Variants in PDE10A observed in about 807,000 individuals in gnomAD.
PDE10A encodes the protein phosphodiesterase 10A, also known as cAMP and cAMP-inhibited cGMP 3',5'-cyclic phosphodiesterase 10A.
PDE10A carries 39 observed loss-of-function variants against 97.7 expected under a neutral mutation model. That is an observed-to-expected ratio of 0.40 (90% CI 0.31 to 0.52). The LOEUF (loss-of-function observed/expected upper bound fraction) is 0.52. Among genes scored for constraint, PDE10A ranks in the 20% least tolerant of loss-of-function variants. The probability of loss-of-function intolerance (pLI) is 0.56; values close to 1 mark genes in which losing one functional copy is unlikely to be tolerated. For missense variants in PDE10A, 731 were observed against 1,047.8 expected (o/e 0.70, Z 4.17); for synonymous variants, 371 against 376.8 (o/e 0.98, Z 0.18).
At chr6:165,500,820 C>G (rs1313448912) in intron 2 of PDE10A, among the ~76,000 whole-genome samples, 1 of 152,052 alleles carries the variant, frequency 6.6e-6, no homozygotes, top group Non-Finnish European at 1.5e-5. Context: ...ATTGTATGTT[C>G]TATTTACTGA....
chr6:165,658,818 C>G (rs1245138679), intron 1 of PDE10A, among the ~76,000 whole-genome samples: 1 of 152,144 alleles, frequency 6.6e-6, no homozygotes, highest in Non-Finnish European at 1.5e-5. Flanking sequence ...CAACTAGAGG[C>G]AGATGGCAGG....
At chr6:165,495,916 T>C (rs548047714) in intron 2 of PDE10A, among the ~76,000 whole-genome samples, 2 of 152,278 alleles carry the variant, frequency 1.3e-5, no homozygotes, top group Admixed American at 6.5e-5. Flanking sequence ...GTATTCTAAA[T>C]GCAGGTGACT....
intron 1 of PDE10A, among the ~76,000 whole-genome samples, chr6:165,960,452 A>G: frequency 6.6e-6 from 1 of 152,200 alleles, no homozygotes; most frequent in African/African-American, 2.4e-5. Context: ...CACAGATGGC[A>G]TCACATCTTC....
chr6:165,611,169 T>G (rs1362699179), intron 1 of PDE10A, among the ~76,000 whole-genome samples: 1 of 151,894 alleles, frequency 6.6e-6, no homozygotes, highest in Non-Finnish European at 1.5e-5. Context: ...AAACAAAAAG[T>G]AATTTATTGA....
upstream of PDE10A, among the ~76,000 whole-genome samples, chr6:165,664,714 G>A (rs1022709619): frequency 1.2e-4 from 18 of 152,210 alleles, no homozygotes; most frequent in African/African-American, 4.3e-4. Context: ...CTGCGAGTCC[G>A]GAGTTTGTGC....
chr6:165,591,076 C>T (rs1390179966), intron 1 of PDE10A, among the ~76,000 whole-genome samples: 2 of 151,888 alleles, frequency 1.3e-5, no homozygotes, highest in Non-Finnish European at 2.9e-5. Context: ...ATCATAAGAA[C>T]AGCAAAGCAA....
intron 18 of PDE10A, among the ~76,000 whole-genome samples, chr6:165,368,352 C>A (rs1783965270): frequency 6.6e-6 from 1 of 152,008 alleles, no homozygotes; most frequent in African/African-American, 2.4e-5. Context: ...ATATTAGCAA[C>A]CTATGTGGGG....
chr6:165,796,803 C>T (rs1328006447), intron 1 of PDE10A, among the ~76,000 whole-genome samples: 1 of 152,152 alleles, frequency 6.6e-6, no homozygotes, highest in Non-Finnish European at 1.5e-5. Flanking sequence ...TATAAAGCCT[C>T]ACACCAGCCC....
At chr6:165,409,276 G>A (rs1787512697) in intron 13 of PDE10A, among the ~76,000 whole-genome samples, 1 of 152,014 alleles carries the variant, frequency 6.6e-6, no homozygotes, top group Non-Finnish European at 1.5e-5. Context: ...GCTGGGCGAG[G>A]TGGCTCACGC....
chr6:165,496,349 G>A (rs186154702), intron 2 of PDE10A, among the ~76,000 whole-genome samples: 3 of 152,220 alleles, frequency 2.0e-5, no homozygotes, highest in South Asian at 2.1e-4. Flanking sequence ...ATCAGAATAC[G>A]ACAGAAATAA....
chr6:165,772,962 C>T (rs955454335), intron 1 of PDE10A, among the ~76,000 whole-genome samples: 1 of 152,212 alleles, frequency 6.6e-6, no homozygotes. Context: ...ATAATTGATT[C>T]TTTCAACAAA....
intron 1 of PDE10A, among the ~76,000 whole-genome samples, chr6:165,544,375 AT>A: frequency 6.6e-6 from 1 of 152,256 alleles, no homozygotes; most frequent in Non-Finnish European, 1.5e-5. Context: ...CAAACAAAGT[AT>A]TTTCACATGT....
chr6:165,778,570 T>G (rs1488868394), intron 1 of PDE10A, among the ~76,000 whole-genome samples: 1 of 152,202 alleles, frequency 6.6e-6, no homozygotes, highest in Non-Finnish European at 1.5e-5. Flanking sequence ...TGAACACGCC[T>G]AAGAGTGGAG....
intron 1 of PDE10A, among the ~76,000 whole-genome samples, chr6:165,676,453 C>T (rs760916468): frequency 3.9e-5 from 6 of 152,156 alleles, no homozygotes; most frequent in African/African-American, 9.7e-5. Flanking sequence ...GGACAGGTGC[C>T]GCAGAGGAAG....
intron 3 of PDE10A, among the ~76,000 whole-genome samples, chr6:165,456,000 T>C (rs1777933008): frequency 6.6e-6 from 1 of 152,230 alleles, no homozygotes; most frequent in East Asian, 1.9e-4. Flanking sequence ...TATGACAGCA[T>C]TGTTTGAGGT....
chr6:165,707,754 AGTGT>A (rs1184406845), intron 1 of PDE10A, among the ~76,000 whole-genome samples: 1 of 151,672 alleles, frequency 6.6e-6, no homozygotes, highest in Non-Finnish European at 1.5e-5. Context: ...TGGGAGACTG[AGTGT>A]GTGAAAGTGT....
chr6:165,852,664 T>C (rs577391750), intron 1 of PDE10A, among the ~76,000 whole-genome samples: 7 of 152,202 alleles, frequency 4.6e-5, no homozygotes, highest in Admixed American at 4.6e-4. Flanking sequence ...TCCTGTTTTG[T>C]CATGGAGAGG....
At chr6:165,587,236 G>A (rs1785966433) in intron 1 of PDE10A, among the ~76,000 whole-genome samples, 1 of 152,148 alleles carries the variant, frequency 6.6e-6, no homozygotes, top group African/African-American at 2.4e-5. Context: ...AGAATATGTG[G>A]GTGGAGGAAT....
intron 2 of PDE10A, among the ~76,000 whole-genome samples, chr6:165,518,386 A>T (rs1781939515): frequency 6.6e-6 from 1 of 152,312 alleles, no homozygotes; most frequent in Middle Eastern, 3.4e-3. Flanking sequence ...ATTCTCCACC[A>T]TTCCGAGTAG....
Sources: gnomAD v4.1 joint callset for allele counts (sites outside exome capture counted in the v4.1 genomes callset) on GRCh38, gnomAD v4.1.1 for gene constraint, MANE v1.5 for transcripts, NCBI Gene and HGNC (gene_info 2026-07-23, HGNC 2026-07-21) for gene names.